MEIKIN: variants seen among roughly 807,000 people sequenced by gnomAD.
MEIKIN encodes meiosis-specific kinetochore protein.
intron 11 of MEIKIN, 24 bp from the exon 12 acceptor site, chr5:131,818,887 T>C (rs988204560): frequency 7.6e-6 from 3 of 396,600 alleles, no homozygotes; most frequent in Non-Finnish European, 1.3e-5. Flanking sequence ...AAAGCAGATA[T>C]TGCATAATTC....
intron 4 of MEIKIN, among the ~76,000 whole-genome samples, chr5:131,939,157 ATGTCTTAGACTACCAGGG>A (rs1343592907): frequency 2.0e-5 from 3 of 152,292 alleles, no homozygotes; most frequent in Admixed American, 2.0e-4. Context: ...CTCTGCTTCA[ATGTCTTAGACTACCAGGG>A]TGGGAAGAAG....
rs180849437 is a variant in MEIKIN, at chr5:131,863,941, C to A, written c.775-9107G>T. Among the ~76,000 whole-genome samples the A allele has an allele frequency of 9.9e-5, 15 of 152,260 alleles. No individual in the cohort carries two copies. The East Asian group carries it at 2.9e-3, about 29-fold the overall frequency. ...CTGCATGATTGTGAGGCCTCCCCAGCCATGTGGAACTGTAAGTCCATTAAA... is the reference window on the plus strand; with the variant it reads ...CTGCATGATTGTGAGGCCTCCCCAGACATGTGGAACTGTAAGTCCATTAAA... On this transcript the variant is annotated intron_variant, in intron 9 of 12. Transcript: ENST00000442687.
chr5:131,824,056 G>T (rs968392506), intron 11 of MEIKIN, among the ~76,000 whole-genome samples: 7 of 152,186 alleles, frequency 4.6e-5, no homozygotes, highest in African/African-American at 1.7e-4. Context: ...GGAACTGAGG[G>T]TATGGTGATC....
chr5:131,866,310 G>A (rs979654317), intron 9 of MEIKIN, among the ~76,000 whole-genome samples: 14 of 152,178 alleles, frequency 9.2e-5, no homozygotes, highest in Admixed American at 2.0e-4. Context: ...ATGGTGTACC[G>A]GGCTGGGTGA....
At chr5:131,874,427 C>T (rs1381586932) in intron 9 of MEIKIN, among the ~76,000 whole-genome samples, 1 of 151,580 alleles carries the variant, frequency 6.6e-6, no homozygotes, top group Non-Finnish European at 1.5e-5. Flanking sequence ...ACACATACAT[C>T]GTCCCAAGAC....
At chr5:131,898,486 C>T (rs757503277) in intron 8 of MEIKIN, among the ~76,000 whole-genome samples, 1 of 152,232 alleles carries the variant, frequency 6.6e-6, no homozygotes, top group Non-Finnish European at 1.5e-5. Context: ...TTTAAGTCTG[C>T]AGAAGTTTCT....
Position 131,851,262 on chromosome 5 carries a change from A to C in MEIKIN, c.975+2T>G. 1 of 397,998 alleles carries C rather than the reference A, an allele frequency of 2.5e-6. No individual in the cohort carries two copies. Among genetic ancestry groups the C allele is most frequent in the Non-Finnish European group, 4.4e-6 (1 of 225,396 alleles). 24.7% of individuals were successfully genotyped at this position (397,998 alleles called of 1,614,324 possible). A position where few individuals can be genotyped will look rare whatever the true frequency, so the allele number is the denominator to read the frequency against. On this transcript the variant is annotated splice_donor_variant, in intron 11 of 12. Transcript: ENST00000442687. LOFTEE classifies it high-confidence loss of function. ...AATTGAAGGAAAAATGGAAAATACT[A>C]CCTCATTTGAAGAATTTTCCTGCAA...
At chr5:131,903,961 A>T (rs1334293072) in intron 8 of MEIKIN, among the ~76,000 whole-genome samples, 2 of 151,102 alleles carry the variant, frequency 1.3e-5, no homozygotes, top group African/African-American at 4.9e-5. Context: ...CAAGCCAATT[A>T]AAAAAAAACA....
Position 131,851,355 on chromosome 5 carries a change from G to C in MEIKIN, c.884C>G (p.Ser295Cys). 2.5e-6 allele frequency: 1 copy of C among 398,114 alleles called. No individual in the cohort carries two copies. The highest frequency in any genetic ancestry group is 4.4e-6 in the Non-Finnish European group (1 of 225,520). The allele number at this position is 398,114 out of a possible 1,614,324, so 24.7% of individuals were successfully genotyped here. A position where few individuals can be genotyped will look rare whatever the true frequency, so the allele number is the denominator to read the frequency against. Residue 295 changes from serine to cysteine, a missense_variant, in exon 11 of 13, where the codon TCT becomes TGT. Coordinates refer to ENST00000442687, the MANE Select transcript of MEIKIN (RefSeq NM_001303622.2). ...VIDLSSVQKA[S>C]FEELFPNVSN... ...GACATTTGGAAATAGTTCTTCAAAA[G>C]ATGCTTTTTGCACTGAGGACAAATC...
chr5:131,874,039 G>A (rs1372789715), intron 9 of MEIKIN, among the ~76,000 whole-genome samples: 1 of 152,158 alleles, frequency 6.6e-6, no homozygotes, highest in Non-Finnish European at 1.5e-5. Context: ...ACAAGAGAAA[G>A]CAGGAAAGAT....
intron 11 of MEIKIN, among the ~76,000 whole-genome samples, chr5:131,835,520 A>T (rs1749790358): frequency 6.6e-6 from 1 of 152,008 alleles, no homozygotes; most frequent in African/African-American, 2.4e-5. Flanking sequence ...TAAGTCTTTA[A>T]TCCATTTTGA....
intron 11 of MEIKIN, among the ~76,000 whole-genome samples, chr5:131,843,149 G>T (rs539963208): frequency 6.6e-6 from 1 of 152,246 alleles, no homozygotes; most frequent in African/African-American, 2.4e-5. Flanking sequence ...ATGTCCCAAG[G>T]CTGCACAGAG....
chr5:131,862,425 A>G (rs538313763), intron 9 of MEIKIN, among the ~76,000 whole-genome samples: 1 of 151,614 alleles, frequency 6.6e-6, no homozygotes, highest in Admixed American at 6.6e-5. Flanking sequence ...GTATTTTTTT[A>G]GTCTCTATTT....
chr5:131,924,138 A>G (rs956585377), intron 5 of MEIKIN, among the ~76,000 whole-genome samples: 11 of 152,258 alleles, frequency 7.2e-5, no homozygotes, highest in African/African-American at 2.6e-4. Flanking sequence ...AGGTTCATCC[A>G]TGTTGTCACA....
At chr5:131,883,097 A>G (rs1750725640) in intron 8 of MEIKIN, among the ~76,000 whole-genome samples, 1 of 152,214 alleles carries the variant, frequency 6.6e-6, no homozygotes, top group African/African-American at 2.4e-5. Context: ...GGGCAAGGAT[A>G]CTGTCATGTT....
At chr5:131,814,231 T>C (rs752424032) in intron 12 of MEIKIN, among the ~76,000 whole-genome samples, 5 of 151,464 alleles carry the variant, frequency 3.3e-5, no homozygotes, top group Non-Finnish European at 5.9e-5. Context: ...CACTCAGTAA[T>C]CCATCACAAG....
intron 9 of MEIKIN, among the ~76,000 whole-genome samples, chr5:131,875,483 T>C (rs11242099): frequency 6.6e-6 from 1 of 150,942 alleles, no homozygotes; most frequent in Non-Finnish European, 1.5e-5. Flanking sequence ...CACTGCTCAA[T>C]GAAATAAAAG....
At chr5:131,918,476 T>G (rs1439290849) in intron 6 of MEIKIN, among the ~76,000 whole-genome samples, 1 of 152,180 alleles carries the variant, frequency 6.6e-6, no homozygotes, top group Non-Finnish European at 1.5e-5. Flanking sequence ...CTTCAAACAC[T>G]GTAGAAATAT....
At chr5:131,870,207 A>G (rs527675073) in intron 9 of MEIKIN, among the ~76,000 whole-genome samples, 31 of 152,344 alleles carry the variant, frequency 2.0e-4, no homozygotes, top group African/African-American at 7.2e-4. Context: ...AAGCACTCAT[A>G]ATAATTAATA....
Sources: gnomAD v4.1 joint callset for allele counts (sites outside exome capture counted in the v4.1 genomes callset) on GRCh38, gnomAD v4.1.1 for gene constraint, MANE v1.5 for transcripts, NCBI Gene and HGNC (gene_info 2026-07-23, HGNC 2026-07-21) for gene names.